Variants in KCNK2 observed in about 807,000 individuals in gnomAD.
The protein encoded by KCNK2 is potassium channel subfamily K member 2.
Under a neutral mutation model 40.5 loss-of-function variants are expected in KCNK2, and 21 were observed. The observed-to-expected ratio is 0.52, with a 90% confidence interval of 0.37 to 0.75. The LOEUF (loss-of-function observed/expected upper bound fraction) is 0.75, where lower values mean the gene tolerates loss of function less well. KCNK2 is among the 30% of genes least tolerant of loss of function. The pLI is 0.00. For synonymous variants in KCNK2, 191 were observed against 202.2 expected, an observed-to-expected ratio of 0.94 and a Z score of 0.47; for missense variants, 399 against 531.6, an observed-to-expected ratio of 0.75 and a Z score of 2.45.
In KCNK2 at chr1:215,230,546, C is replaced by CATAACAGCCATATATATATATATATATAT. The variant is rs1558150367; in HGVS notation, c.964-4281_964-4280insTAACAGCCATATATATATATATATATATA. Among the ~76,000 whole-genome samples, 134 of 115,322 alleles carry CATAACAGCCATATATATATATATATATAT rather than the reference C, an allele frequency of 1.2e-3. 5 individuals carry two copies. The highest frequency in any genetic ancestry group is 4.9e-3 in the African/African-American group (123 of 24,928). 75.7% of individuals were successfully genotyped at this position (115,322 alleles called of 152,430 possible). On this transcript the variant is annotated intron_variant, in intron 6 of 6. Transcript: ENST00000444842. ...ATATATATATATGTATATATATACA[C>CATAACAGCCATATATATATATATATATAT]ACACATAACAGCCATATATATATAT... is the stretch of plus-strand genomic sequence containing the variant.
At chr1:215,193,836 AATACATGTG>A (rs540205437) in intron 5 of KCNK2, among the ~76,000 whole-genome samples, 76 of 152,292 alleles carry the variant, frequency 5.0e-4, no homozygotes, top group Non-Finnish European at 8.4e-4. Flanking sequence ...TCTTTGGCCC[AATACATGTG>A]GAGATTCATC....
At chr1:215,122,746 T>A (rs1158351695) in intron 2 of KCNK2, among the ~76,000 whole-genome samples, 3 of 136,318 alleles carry the variant, frequency 2.2e-5, no homozygotes, top group Non-Finnish European at 3.3e-5. Context: ...TAATCTTTTT[T>A]TTTTTTTTTT....
intron 6 of KCNK2, among the ~76,000 whole-genome samples, chr1:215,209,423 A>AAATATATAT (rs1665494971): frequency 6.3e-5 from 3 of 47,702 alleles, no homozygotes; most frequent in Admixed American, 4.2e-4. Context: ...ATTATATATA[A>AAATATATAT]TATATATAAT....
chr1:215,085,303 G>A (rs1203638756), intron 1 of KCNK2, among the ~76,000 whole-genome samples: 2 of 151,856 alleles, frequency 1.3e-5, no homozygotes, highest in Non-Finnish European at 2.9e-5. Context: ...CTTATTTTTC[G>A]GCCATTCTAT....
At position 215,236,858 on chromosome 1, in the gene KCNK2, C is replaced by T. The variant is rs185947126; in HGVS notation, c.*1713C>T. ...TAAAAGAAGCAAATAAACTAATAGACGCTTATTTTCCAAAATTTAAATTTA... is the reference window on the plus strand; with the variant it reads ...TAAAAGAAGCAAATAAACTAATAGATGCTTATTTTCCAAAATTTAAATTTA... On this transcript the variant is annotated 3_prime_UTR_variant, in exon 7 of 7. Coordinates refer to ENST00000444842, the MANE Select transcript of KCNK2 (RefSeq NM_001017425.3). 1.1e-4 allele frequency: 17 copies of T among 151,654 alleles called. No individual in the cohort carries two copies. The highest frequency in any genetic ancestry group is 2.7e-4 in the African/African-American group (11 of 41,318). The allele number at this position is 151,654 out of a possible 1,614,324, so 9.4% of individuals were successfully genotyped here.
chr1:215,093,854 TTATATATA>T (rs1427621840), intron 2 of KCNK2, among the ~76,000 whole-genome samples: 26 of 78,104 alleles, frequency 3.3e-4, no homozygotes, highest in African/African-American at 1.2e-3. Flanking sequence ...ATATTATATA[TTATATATA>T]AAAATATATT....
In KCNK2 at chr1:215,033,570, C is replaced by T. The variant is rs151016628; in HGVS notation, c.34+27615C>T. Among the ~76,000 whole-genome samples the T allele has an allele frequency of 1.4e-3, 207 of 152,174 alleles. 1 individual carries two copies. Among genetic ancestry groups the T allele is most frequent in the Middle Eastern group, 6.8e-3 (2 of 294 alleles). On this transcript the variant is annotated intron_variant, in intron 1 of 6. Transcript: ENST00000391895. ...CCATGATTCCATTTCAGTCTTTTAGCGAGCCTGTGCTTCCAACTGTGACTG... is the reference window on the plus strand; with the variant it reads ...CCATGATTCCATTTCAGTCTTTTAGTGAGCCTGTGCTTCCAACTGTGACTG...
chr1:215,227,143 G>A (rs2102706916), intron 6 of KCNK2, among the ~76,000 whole-genome samples: 1 of 152,298 alleles, frequency 6.6e-6, no homozygotes, highest in South Asian at 2.1e-4. Context: ...TAGGAGCTGG[G>A]AATACTGAAT....
intron 6 of KCNK2, among the ~76,000 whole-genome samples, chr1:215,231,748 T>G (rs908393266): frequency 2.0e-5 from 3 of 152,114 alleles, no homozygotes; most frequent in Non-Finnish European, 1.5e-5. Context: ...TACCTGAGAC[T>G]CAGTAATTTA....
At chr1:215,171,914 CT>C (rs1663725978) in intron 4 of KCNK2, 82 bp from the exon 5 acceptor site, 1 of 898,818 alleles carries the variant, frequency 1.1e-6, no homozygotes, top group South Asian at 2.3e-5. Context: ...CTCTCTCTCT[CT>C]CTTTGTCTCT....
chr1:215,117,080 G>A (rs1660977601), intron 2 of KCNK2, among the ~76,000 whole-genome samples: 1 of 151,920 alleles, frequency 6.6e-6, no homozygotes, highest in South Asian at 2.1e-4. Flanking sequence ...ATGTAACTTT[G>A]TGATTTCTGC....
intron 1 of KCNK2, chr1:215,083,730 C>T (rs1659292029): frequency 2.0e-6 from 1 of 501,900 alleles, no homozygotes. Context: ...TGGGAGTAGC[C>T]GGCAGGCAGG....
chr1:215,178,590 G>A (rs1349299520), intron 5 of KCNK2, among the ~76,000 whole-genome samples: 1 of 152,108 alleles, frequency 6.6e-6, no homozygotes, highest in Admixed American at 6.6e-5. Flanking sequence ...TTTATTAAAA[G>A]CTTTTTCCAC....
At chr1:215,054,566 C>A (rs148765587) in intron 1 of KCNK2, among the ~76,000 whole-genome samples, 1 of 152,320 alleles carries the variant, frequency 6.6e-6, no homozygotes, top group African/African-American at 2.4e-5. Context: ...CGCTGTTCTA[C>A]CGAGCTTTGC....
intron 1 of KCNK2, among the ~76,000 whole-genome samples, chr1:215,015,296 G>A (rs1371509435): frequency 6.6e-6 from 1 of 151,950 alleles, no homozygotes; most frequent in Non-Finnish European, 1.5e-5. Flanking sequence ...CACTTTGCTA[G>A]GAAAAATTTC....
In KCNK2 at chr1:215,173,990, C is replaced by G. The variant is rs1013206515; in HGVS notation, c.823+1807C>G. 2.0e-5 allele frequency among the ~76,000 whole-genome samples: 3 copies of G among 152,174 alleles called. No homozygotes were observed. In the East Asian group the frequency reaches 5.8e-4, roughly 29 times the overall value. ...TTGAGTTTAATTAGATCCCATTTGT[C>G]AATTTTGGCTTTTGTTGCCATTGCT... On this transcript the variant is annotated intron_variant, in intron 5 of 6. Coordinates refer to ENST00000444842, the MANE Select transcript of KCNK2 (RefSeq NM_001017425.3).
chr1:215,057,486 A>G (rs1330163042), intron 1 of KCNK2, among the ~76,000 whole-genome samples: 1 of 152,162 alleles, frequency 6.6e-6, no homozygotes, highest in African/African-American at 2.4e-5. Flanking sequence ...TTCTGCCTCA[A>G]TCTGTATCTG....
intron 3 of KCNK2, among the ~76,000 whole-genome samples, chr1:215,165,170 T>A (rs534674448): frequency 1.3e-5 from 2 of 152,312 alleles, no homozygotes; most frequent in East Asian, 3.9e-4. Context: ...GAGCTTGCTT[T>A]CCATAGCTTG....
chr1:215,112,914 A>G (rs1660757482), intron 2 of KCNK2, among the ~76,000 whole-genome samples: 1 of 152,124 alleles, frequency 6.6e-6, no homozygotes, highest in Non-Finnish European at 1.5e-5. Context: ...CACCTTTCTC[A>G]GTATCACATT....
Sources: gnomAD v4.1 joint callset for allele counts (sites outside exome capture counted in the v4.1 genomes callset) on GRCh38, gnomAD v4.1.1 for gene constraint, MANE v1.5 for transcripts, NCBI Gene and HGNC (gene_info 2026-07-23, HGNC 2026-07-21) for gene names.